Variants in OXR1 observed in about 807,000 individuals in gnomAD.
OXR1 encodes oxidation resistance 1.
OXR1 carries 41 observed loss-of-function variants against 104.6 expected under a neutral mutation model. The ratio of observed to expected loss-of-function variants is 0.39; its 90% CI spans 0.31 to 0.51. The LOEUF is 0.51. Among genes scored for constraint, OXR1 ranks in the 20% least tolerant of loss-of-function variants. The pLI is 0.77. For missense variants in OXR1, 955 were observed against 1,031.9 expected (o/e 0.93, Z 1.02); for synonymous variants, 348 against 348.4 (o/e 1.00, Z 0.01).
chr8:106,714,540 A>T (rs1832045533), intron 11 of OXR1, among the ~76,000 whole-genome samples: 1 of 152,122 alleles, frequency 6.6e-6, no homozygotes. Context: ...GAAATTTTAT[A>T]TGCTCAGATT....
chr8:106,351,680 A>G (rs1431733650), intron 1 of OXR1, among the ~76,000 whole-genome samples: 3 of 152,318 alleles, frequency 2.0e-5, no homozygotes, highest in East Asian at 3.9e-4. Context: ...GAACCATCTC[A>G]GGGAACTGAT....
At chr8:106,746,735 T>C (rs938018861) in intron 16 of OXR1, among the ~76,000 whole-genome samples, 3 of 152,194 alleles carry the variant, frequency 2.0e-5, no homozygotes, top group African/African-American at 7.2e-5. Flanking sequence ...TGTAGCCTTC[T>C]CTGTTAGTTT....
chr8:106,374,602 A>T (rs2130385832), intron 2 of OXR1, among the ~76,000 whole-genome samples: 1 of 152,338 alleles, frequency 6.6e-6, no homozygotes, highest in South Asian at 2.1e-4. Context: ...TCAAACTATT[A>T]ATTATAGATA....
chr8:106,272,243 CCGGCGT>C (rs1430100399), intron 1 of OXR1: 1 of 152,174 alleles, frequency 6.6e-6, no homozygotes, highest in Non-Finnish European at 1.5e-5. Context: ...CAGGACCGGC[CCGGCGT>C]TGGGTGAGAG....
chr8:106,543,071 C>T (rs1366641831), intron 3 of OXR1, among the ~76,000 whole-genome samples: 1 of 152,118 alleles, frequency 6.6e-6, no homozygotes, highest in African/African-American at 2.4e-5. Context: ...AAAGGGGCTG[C>T]ACCTATTGTA....
intron 2 of OXR1, among the ~76,000 whole-genome samples, chr8:106,419,600 C>A (rs1818822041): frequency 6.6e-6 from 1 of 152,164 alleles, no homozygotes; most frequent in Non-Finnish European, 1.5e-5. Flanking sequence ...GGCCTCCCAA[C>A]AGGGCAGTTA....
At chr8:106,678,174 G>T (rs1242343005) in intron 3 of OXR1, among the ~76,000 whole-genome samples, 1 of 151,934 alleles carries the variant, frequency 6.6e-6, no homozygotes, top group African/African-American at 2.4e-5. Flanking sequence ...CCTTTTTGGG[G>T]ATTTTGATAT....
intron 1 of OXR1, among the ~76,000 whole-genome samples, chr8:106,287,948 A>G (rs952040957): frequency 6.6e-6 from 1 of 152,310 alleles, no homozygotes; most frequent in Non-Finnish European, 1.5e-5. Flanking sequence ...ATAGTCTCAC[A>G]TGGGAAGTGG....
At chr8:106,603,278 G>A (rs892816403) in intron 3 of OXR1, among the ~76,000 whole-genome samples, 2 of 152,130 alleles carry the variant, frequency 1.3e-5, no homozygotes, top group African/African-American at 4.8e-5. Flanking sequence ...CATTTCTTGA[G>A]ATTGTATCTA....
At chr8:106,599,017 T>C (rs1220032059) in intron 3 of OXR1, among the ~76,000 whole-genome samples, 1 of 152,232 alleles carries the variant, frequency 6.6e-6, no homozygotes, top group East Asian at 1.9e-4. Context: ...AAAATTAGCT[T>C]TTATTTTGGA....
At chr8:106,482,256 A>G (rs1551268) in intron 2 of OXR1, among the ~76,000 whole-genome samples, 14,479 of 151,982 alleles carry the variant, frequency 0.095, 782 homozygotes, top group African/African-American at 0.14. Context: ...TGGTATGGGC[A>G]TGCCTGCTCC....
intron 3 of OXR1, among the ~76,000 whole-genome samples, chr8:106,566,503 T>C (rs1275973690): frequency 2.6e-5 from 4 of 152,116 alleles, no homozygotes; most frequent in Non-Finnish European, 5.9e-5. Context: ...GAAATAGGAA[T>C]GCTTTTACAC....
intron 11 of OXR1, among the ~76,000 whole-genome samples, chr8:106,735,722 G>C (rs551230786): frequency 9.0e-4 from 137 of 152,174 alleles, no homozygotes; most frequent in African/African-American, 3.2e-3. Flanking sequence ...GCTGGGCATA[G>C]AAAAGCAAGC....
At chr8:106,459,135 C>T (rs2130642246) in intron 2 of OXR1, among the ~76,000 whole-genome samples, 1 of 152,064 alleles carries the variant, frequency 6.6e-6, no homozygotes. Flanking sequence ...TGAACATAGC[C>T]CCCAAAGTTC....
intron 6 of OXR1, among the ~76,000 whole-genome samples, chr8:106,684,967 A>G (rs934999778): frequency 6.6e-6 from 1 of 152,170 alleles, no homozygotes; most frequent in Admixed American, 6.6e-5. Flanking sequence ...AGAATAAATT[A>G]CATGATATTA....
chr8:106,499,934 C>A (rs1361564649), intron 2 of OXR1, among the ~76,000 whole-genome samples: 1 of 152,162 alleles, frequency 6.6e-6, no homozygotes, highest in Non-Finnish European at 1.5e-5. Flanking sequence ...ATTTCTGTGG[C>A]CTGTGACGCT....
intron 6 of OXR1, among the ~76,000 whole-genome samples, chr8:106,691,426 A>C (rs1829263424): frequency 6.6e-6 from 1 of 151,830 alleles, no homozygotes; most frequent in African/African-American, 2.4e-5. Flanking sequence ...TCTTTTTTGA[A>C]AGTAATCTCC....
chr8:106,432,363 T>C (rs1228561042), intron 2 of OXR1, among the ~76,000 whole-genome samples: 1 of 152,158 alleles, frequency 6.6e-6, no homozygotes, highest in Non-Finnish European at 1.5e-5. Flanking sequence ...TTCAAGGCCC[T>C]GTTTCATCCA....
intron 2 of OXR1, among the ~76,000 whole-genome samples, chr8:106,409,955 G>C (rs1818396651): frequency 6.6e-6 from 1 of 151,768 alleles, no homozygotes; most frequent in Non-Finnish European, 1.5e-5. Context: ...GATTTATTGG[G>C]ATTCATTTTT....
Sources: gnomAD v4.1 joint callset for allele counts (sites outside exome capture counted in the v4.1 genomes callset) on GRCh38, gnomAD v4.1.1 for gene constraint, MANE v1.5 for transcripts, NCBI Gene and HGNC (gene_info 2026-07-23, HGNC 2026-07-21) for gene names.